KIAA1671: variants seen among roughly 807,000 people sequenced by gnomAD.
KIAA1671 encodes the protein KIAA1671, also known as uncharacterized protein KIAA1671.
KIAA1671 carries 52 observed loss-of-function variants against 131.2 expected under a neutral mutation model. That is an observed-to-expected ratio of 0.40 (90% CI 0.32 to 0.50). The LOEUF (loss-of-function observed/expected upper bound fraction) is 0.50, where lower values mean the gene tolerates loss of function less well. Ranked by LOEUF, KIAA1671 falls within the 20% of genes least tolerant of loss-of-function variation. The pLI is 0.73. For synonymous variants in KIAA1671, 1,003 were observed against 961.6 expected (o/e 1.04, Z -0.80); for missense variants, 2,360 against 2,364.2 (o/e 1.00, Z 0.04).
intron 6 of KIAA1671, among the ~76,000 whole-genome samples, chr22:25,127,426 C>T (rs1039823072): frequency 5.3e-5 from 8 of 152,178 alleles, no homozygotes; most frequent in Admixed American, 5.2e-4. Context: ...CCCCCAGCCT[C>T]GAGTGTTTTA....
chr22:24,962,557 C>T lies in KIAA1671; in HGVS notation c.-208+9785C>T, dbSNP rs150994532. ...ATGCAAGGCAGTTAACCACTCTGGG[C>T]CTCAGTTTTCTCATCTGTAAGCTGG... On this transcript the variant is annotated intron_variant, in intron 1 of 12. Transcript: ENST00000358431. 4.5e-4 allele frequency among the ~76,000 whole-genome samples: 68 copies of T among 152,294 alleles called. 1 individual carries two copies. In the East Asian group the frequency reaches 0.012, roughly 28 times the overall value.
At chr22:25,169,612 A>T (rs910915688) in intron 6 of KIAA1671, among the ~76,000 whole-genome samples, 1 of 152,240 alleles carries the variant, frequency 6.6e-6, no homozygotes, top group African/African-American at 2.4e-5. Flanking sequence ...CAGTGGCCAC[A>T]TCACAGGGAA....
In KIAA1671 at chr22:25,196,609, A is replaced by T. The variant is rs1934837310; in HGVS notation, c.*4208A>T. ...ATCACCACGCCCAGCTGATCTTTTAAATCTGTTTTGTAGAAACAGGATCTC... is the reference window on the plus strand; with the variant it reads ...ATCACCACGCCCAGCTGATCTTTTATATCTGTTTTGTAGAAACAGGATCTC... On this transcript the variant is annotated 3_prime_UTR_variant, in exon 13 of 13. Transcript: ENST00000358431. 6.6e-6 allele frequency: 1 copy of T among 151,722 alleles called. No homozygotes were observed. Among genetic ancestry groups the T allele is most frequent in the Non-Finnish European group, 1.5e-5 (1 of 67,962 alleles). 9.4% of individuals were successfully genotyped at this position (151,722 alleles called of 1,614,324 possible).
chr22:25,168,532 A>C (rs1933726348), intron 6 of KIAA1671, among the ~76,000 whole-genome samples: 1 of 152,122 alleles, frequency 6.6e-6, no homozygotes, highest in Non-Finnish European at 1.5e-5. Flanking sequence ...CTCCACTAAA[A>C]ATACAAACAA....
intron 6 of KIAA1671, among the ~76,000 whole-genome samples, chr22:25,148,435 G>T (rs1354852355): frequency 6.6e-6 from 1 of 152,174 alleles, no homozygotes; most frequent in Non-Finnish European, 1.5e-5. Context: ...AGTAAGGAGA[G>T]TGTGCTCCCT....
chr22:25,002,844 A>G (rs901580412), intron 1 of KIAA1671, among the ~76,000 whole-genome samples: 4 of 152,020 alleles, frequency 2.6e-5, no homozygotes, highest in African/African-American at 7.2e-5. Flanking sequence ...CAGTGATGCA[A>G]TCTCAGCTAG....
chr22:24,956,184 C>T (rs1921689479), intron 1 of KIAA1671, among the ~76,000 whole-genome samples: 1 of 152,202 alleles, frequency 6.6e-6, no homozygotes, highest in Admixed American at 6.5e-5. Context: ...CTTTGAAGAT[C>T]CCTTCCTCAA....
At chr22:25,019,312 C>T (rs1395169746) in intron 1 of KIAA1671, among the ~76,000 whole-genome samples, 1 of 152,138 alleles carries the variant, frequency 6.6e-6, no homozygotes, top group Non-Finnish European at 1.5e-5. Context: ...TAGGACCTGC[C>T]TCTTTGGGAT....
At chr22:25,001,682 C>A (rs1924488379) in intron 1 of KIAA1671, among the ~76,000 whole-genome samples, 1 of 152,056 alleles carries the variant, frequency 6.6e-6, no homozygotes, top group African/African-American at 2.4e-5. Context: ...AGGGCACTTT[C>A]TATTTTAAAA....
chr22:25,042,790 G>A (rs1377419248), intron 5 of KIAA1671, among the ~76,000 whole-genome samples: 2 of 152,040 alleles, frequency 1.3e-5, no homozygotes, highest in African/African-American at 4.8e-5. Flanking sequence ...ACTTTTTAAG[G>A]GGGTGATCCC....
intron 1 of KIAA1671, among the ~76,000 whole-genome samples, chr22:24,970,129 C>T (rs900112950): frequency 5.9e-5 from 9 of 152,282 alleles, no homozygotes; most frequent in Admixed American, 2.6e-4. Flanking sequence ...TTAAAGCCAC[C>T]GGACAGTCCC....
rs959328001 is a variant in KIAA1671, at chr22:25,040,900, G to A, written c.3770G>A (p.Gly1257Glu). Residue 1257 changes from glycine (G) to glutamate (E), a missense_variant, in exon 5 of 13, where the codon GGG (glycine) becomes GAG (glutamate). Coordinates refer to ENST00000358431, the MANE Select transcript of KIAA1671 (RefSeq NM_001145206.2). ...AGCCTGAAGGAGATGCCCGATACCG[G>A]GGGTCTCTGGAAACCGGCCAGTTCT... ...RRSLKEMPDT[G>E]GLWKPASSAE... 6.6e-7 allele frequency: 1 copy of A among 1,513,400 alleles called. No homozygotes were observed. The highest frequency in any genetic ancestry group is 8.9e-7 in the Non-Finnish European group (1 of 1,129,914). The allele number at this position is 1,513,400 out of a possible 1,614,324, so 93.7% of individuals were successfully genotyped here. A position where few individuals can be genotyped will look rare whatever the true frequency, so the allele number is the denominator to read the frequency against.
intron 1 of KIAA1671, among the ~76,000 whole-genome samples, chr22:24,957,986 T>TTA (rs1921807423): frequency 3.6e-5 from 5 of 139,994 alleles, no homozygotes; most frequent in Non-Finnish European, 7.7e-5. Context: ...TTTTTTTTTT[T>TTA]AATATTTTAC....
At chr22:25,157,708 T>C (rs1933290406) in intron 6 of KIAA1671, among the ~76,000 whole-genome samples, 1 of 152,096 alleles carries the variant, frequency 6.6e-6, no homozygotes. Flanking sequence ...ATTTTGGGCA[T>C]TTTTCTTCTC....
At chr22:25,047,221 G>T (rs1927292448) in intron 5 of KIAA1671, among the ~76,000 whole-genome samples, 1 of 150,048 alleles carries the variant, frequency 6.7e-6, no homozygotes. Flanking sequence ...CATGATCTCG[G>T]CTCACTGCAA....
intron 6 of KIAA1671, among the ~76,000 whole-genome samples, chr22:25,097,592 T>G (rs1054534428): frequency 4.6e-5 from 7 of 151,716 alleles, no homozygotes; most frequent in African/African-American, 1.5e-4. Flanking sequence ...TACAAAAAAT[T>G]AGCTGGGTGT....
intron 8 of KIAA1671, chr22:25,176,930 G>A (rs983545660): frequency 2.5e-5 from 4 of 157,774 alleles, no homozygotes; most frequent in African/African-American, 7.2e-5. Flanking sequence ...GAATACAGTT[G>A]ACAGAAGGAT....
intron 6 of KIAA1671, among the ~76,000 whole-genome samples, chr22:25,079,605 GA>G (rs1264472447): frequency 1.2e-4 from 18 of 152,154 alleles, no homozygotes; most frequent in East Asian, 3.9e-4. Flanking sequence ...AGCTTGGGGG[GA>G]AACAGGAATA....
chr22:24,977,794 G>A (rs1376374793), intron 1 of KIAA1671, among the ~76,000 whole-genome samples: 3 of 152,200 alleles, frequency 2.0e-5, no homozygotes, highest in African/African-American at 7.2e-5. Context: ...TGCTGAGTTG[G>A]CCTCTGTCCT....
Sources: allele counts gnomAD v4.1 joint callset (sites outside exome capture counted in the v4.1 genomes callset), GRCh38; gene constraint gnomAD v4.1.1; transcripts MANE v1.5; gene names NCBI Gene and HGNC (gene_info 2026-07-23, HGNC 2026-07-21).